Variants in IL1RAPL1 observed in about 807,000 individuals in gnomAD.
IL1RAPL1 encodes interleukin-1 receptor accessory protein-like 1.
Under a neutral mutation model 48.4 loss-of-function variants are expected in IL1RAPL1, and 3 were observed. That is an observed-to-expected ratio of 0.06 (90% CI 0.03 to 0.16). The LOEUF is 0.16. Among genes scored for constraint, IL1RAPL1 ranks in the 10% least tolerant of loss-of-function variants. IL1RAPL1 has a pLI of 1.00. For synonymous variants in IL1RAPL1, 185 were observed against 187.7 expected, an observed-to-expected ratio of 0.99 and a Z score of 0.12; for missense variants, 349 against 530.6, an observed-to-expected ratio of 0.66 and a Z score of 3.36.
At chrX:29,086,104 T>C (rs1308304866) in intron 2 of IL1RAPL1, among the ~76,000 whole-genome samples, 1 of 112,136 alleles carries the variant, frequency 8.9e-6, no homozygotes, top group African/African-American at 3.2e-5. Flanking sequence ...ATAATAAATA[T>C]TGCTTATAGC....
At chrX:29,852,501 A>C (rs147992725) in intron 6 of IL1RAPL1, among the ~76,000 whole-genome samples, 3,403 of 111,261 alleles carry the variant, frequency 0.031, 129 homozygotes, top group African/African-American at 0.1. Context: ...ATACCACCAA[A>C]CTTTTTTTGG....
At chrX:29,467,288 C>T (rs1938813453) in intron 5 of IL1RAPL1, among the ~76,000 whole-genome samples, 1 of 112,394 alleles carries the variant, frequency 8.9e-6, no homozygotes, top group Admixed American at 9.4e-5. Context: ...TGGGGGCTTC[C>T]ATTGCCATGC....
intron 6 of IL1RAPL1, among the ~76,000 whole-genome samples, chrX:29,804,899 T>C (rs1276453914): frequency 8.9e-6 from 1 of 112,374 alleles, no homozygotes. Flanking sequence ...TCAGTATAAA[T>C]TGTGTTTACA....
Position 29,858,899 on chromosome X carries a change from G to A in IL1RAPL1, c.779-58565G>A, listed in dbSNP as rs766723809. Among the ~76,000 whole-genome samples, 142 of 110,380 alleles carry A rather than the reference G, an allele frequency of 1.3e-3. 1 individual carries two copies. The highest frequency in any genetic ancestry group is 4.6e-3 in the African/African-American group (136 of 29,883). On this transcript the variant is annotated intron_variant, in intron 6 of 10. Coordinates refer to ENST00000378993, the MANE Select transcript of IL1RAPL1 (RefSeq NM_014271.4). The stretch of plus-strand genomic sequence containing the variant: ...TCAGCCATCCAAATTCCACTGAAAT[G>A]TTCTCACTCCTAAGTGGGTATTTTT...
intron 2 of IL1RAPL1, among the ~76,000 whole-genome samples, chrX:29,222,804 C>T (rs1024937842): frequency 1.8e-5 from 2 of 111,464 alleles, no homozygotes; most frequent in African/African-American, 6.5e-5. Context: ...TCATCATATG[C>T]AGGGCTGGCA....
At chrX:29,549,870 C>T (rs747214024) in intron 5 of IL1RAPL1, among the ~76,000 whole-genome samples, 52 of 111,692 alleles carry the variant, frequency 4.7e-4, no homozygotes, top group African/African-American at 1.6e-3. Flanking sequence ...TTTGAAACCC[C>T]ATATTTCAGC....
chrX:29,742,126 C>T (rs1367266641), intron 6 of IL1RAPL1, among the ~76,000 whole-genome samples: 1 of 109,931 alleles, frequency 9.1e-6, no homozygotes, highest in Non-Finnish European at 1.9e-5. Context: ...GGTTATTGTG[C>T]ATTATTAGGA....
intron 6 of IL1RAPL1, among the ~76,000 whole-genome samples, chrX:29,724,732 T>G (rs1383333979): frequency 1.8e-5 from 2 of 111,791 alleles, no homozygotes; most frequent in Non-Finnish European, 3.8e-5. Flanking sequence ...AGCCTCCACT[T>G]CTAGCCAGAA....
intron 3 of IL1RAPL1, among the ~76,000 whole-genome samples, chrX:29,286,474 G>A (rs1047271120): frequency 4.5e-5 from 5 of 111,166 alleles, no homozygotes; most frequent in African/African-American, 1.6e-4. Flanking sequence ...TTGAGGCCAG[G>A]AGTCCAAGAC....
At chrX:28,863,615 C>T (rs929028576) in intron 2 of IL1RAPL1, among the ~76,000 whole-genome samples, 1 of 110,964 alleles carries the variant, frequency 9.0e-6, no homozygotes, top group African/African-American at 3.3e-5. Flanking sequence ...CACATCTAAA[C>T]CATTTATAAG....
At chrX:29,772,547 G>A (rs923262624) in intron 6 of IL1RAPL1, among the ~76,000 whole-genome samples, 1 of 111,361 alleles carries the variant, frequency 9.0e-6, no homozygotes, top group Non-Finnish European at 1.9e-5. Context: ...GAGGGTCTGC[G>A]GTGAAAGGCA....
chrX:28,828,126 T>G (rs1051342307), intron 2 of IL1RAPL1, among the ~76,000 whole-genome samples: 2 of 111,774 alleles, frequency 1.8e-5, no homozygotes, highest in African/African-American at 6.5e-5. Flanking sequence ...AATTTAGAAT[T>G]CATCTTGCCA....
At chrX:29,422,351 G>A (rs1446764483) in intron 5 of IL1RAPL1, among the ~76,000 whole-genome samples, 1 of 111,098 alleles carries the variant, frequency 9.0e-6, no homozygotes, top group Non-Finnish European at 1.9e-5. Flanking sequence ...GGGAATCAGA[G>A]AGGCTATGAG....
intron 3 of IL1RAPL1, among the ~76,000 whole-genome samples, chrX:29,340,638 C>T (rs746009049): frequency 1.8e-4 from 20 of 112,052 alleles, no homozygotes; most frequent in African/African-American, 6.2e-4. Context: ...CTAGGAATCC[C>T]GATAAGGCCT....
chrX:29,210,298 C>T (rs1253077855), intron 2 of IL1RAPL1, among the ~76,000 whole-genome samples: 1 of 111,681 alleles, frequency 9.0e-6, no homozygotes, highest in Non-Finnish European at 1.9e-5. Context: ...TCATGGATCA[C>T]GAGGATTTAC....
intron 2 of IL1RAPL1, among the ~76,000 whole-genome samples, chrX:29,203,722 AATATATATAT>A (rs56950481): frequency 0.036 from 2,805 of 78,245 alleles, 75 homozygotes; most frequent in South Asian, 0.092. Flanking sequence ...TCCGTCTCAA[AATATATATAT>A]ATATATATAT....
At chrX:28,606,686 TA>T (rs1396064150) in intron 1 of IL1RAPL1, among the ~76,000 whole-genome samples, 3 of 111,895 alleles carry the variant, frequency 2.7e-5, no homozygotes, top group African/African-American at 9.7e-5. Flanking sequence ...TATTCTCTAA[TA>T]AGGATAATTT....
intron 1 of IL1RAPL1, among the ~76,000 whole-genome samples, chrX:28,702,785 A>G (rs191699922): frequency 9.0e-6 from 1 of 110,705 alleles, no homozygotes; most frequent in Admixed American, 9.7e-5. Context: ...ATTTCACATA[A>G]TTGTTTAACA....
At chrX:28,603,586 T>C (rs1934050599) in intron 1 of IL1RAPL1, among the ~76,000 whole-genome samples, 1 of 112,067 alleles carries the variant, frequency 8.9e-6, no homozygotes, top group Admixed American at 9.5e-5. Flanking sequence ...ACCTCATTTA[T>C]CTGGTTCACC....
Sources: gnomAD v4.1 joint callset for allele counts (sites outside exome capture counted in the v4.1 genomes callset) on GRCh38, gnomAD v4.1.1 for gene constraint, MANE v1.5 for transcripts, NCBI Gene and HGNC (gene_info 2026-07-23, HGNC 2026-07-21) for gene names.